BTAF1: variants seen among roughly 807,000 people sequenced by gnomAD.
BTAF1 encodes B-TFIID TATA-box binding protein associated factor 1.
BTAF1 carries 38 observed loss-of-function variants against 227.1 expected under a neutral mutation model. The ratio of observed to expected loss-of-function variants is 0.17; its 90% confidence interval spans 0.13 to 0.22. The LOEUF is 0.22. Among genes scored for constraint, BTAF1 ranks in the 10% least tolerant of loss-of-function variants. BTAF1 has a pLI of 1.00. For synonymous variants in BTAF1, 742 were observed against 751.9 expected (o/e 0.99, Z 0.21); for missense variants, 1,598 against 2,204.0 (o/e 0.73, Z 5.51).
intron 34 of BTAF1, among the ~76,000 whole-genome samples, chr10:92,021,059 C>T (rs1361830262): frequency 6.6e-6 from 1 of 152,148 alleles, no homozygotes; most frequent in Non-Finnish European, 1.5e-5. Context: ...TGGTTCTTTT[C>T]AGCCAGAGTG....
At chr10:91,924,178 G>C (rs1843669106) in intron 1 of BTAF1, 88 bp downstream of exon 1, 1 of 1,524,918 alleles carries the variant, frequency 6.6e-7, no homozygotes, top group Non-Finnish European at 8.8e-7. Flanking sequence ...GAGAAGAGCG[G>C]TTCTCATTGT....
At chr10:91,968,146 A>C (rs1379797087) in intron 14 of BTAF1, among the ~76,000 whole-genome samples, 3 of 152,164 alleles carry the variant, frequency 2.0e-5, no homozygotes, top group Non-Finnish European at 4.4e-5. Context: ...CCACCATTAC[A>C]GTATCATACA....
intron 2 of BTAF1, among the ~76,000 whole-genome samples, chr10:91,938,726 T>C (rs1844794813): frequency 6.6e-6 from 1 of 152,144 alleles, no homozygotes; most frequent in Admixed American, 6.5e-5. Context: ...TACATGCCCA[T>C]AGGCACAGCT....
intron 25 of BTAF1, among the ~76,000 whole-genome samples, chr10:92,006,571 C>T (rs1035809090): frequency 2.6e-5 from 4 of 152,194 alleles, no homozygotes; most frequent in Non-Finnish European, 4.4e-5. Flanking sequence ...AAATCTTCCA[C>T]AGGTGGACAC....
At position 91,984,192 on chromosome 10, in the gene BTAF1, G is replaced by A; in HGVS notation, c.2224-9G>A. 1.2e-6 allele frequency: 2 copies of A among 1,611,410 alleles called. No homozygotes were observed. The highest frequency in any genetic ancestry group is 1.7e-6 in the Non-Finnish European group (2 of 1,178,512). On this transcript the variant is annotated splice_polypyrimidine_tract_variant and intron_variant, in intron 18 of 37. Coordinates refer to ENST00000265990, the MANE Select transcript of BTAF1 (RefSeq NM_003972.3). ...ACAGTTACCCTATTTGTTTTCTGTT[G>A]TATTTTAGGAGTGTAAAGCTGTTAC...
At chr10:92,012,630 G>A (rs1266278655) in intron 30 of BTAF1, among the ~76,000 whole-genome samples, 1 of 151,364 alleles carries the variant, frequency 6.6e-6, no homozygotes, top group East Asian at 2.0e-4. Flanking sequence ...AATTAGCCAG[G>A]CATGGTGACG....
At chr10:91,924,240 G>A in intron 1 of BTAF1, 150 bp downstream of exon 1, 6 of 1,127,756 alleles carry the variant, frequency 5.3e-6, no homozygotes, top group Non-Finnish European at 7.3e-6. Flanking sequence ...CCCCGTGGTC[G>A]GCGGGGGTTT....
intron 20 of BTAF1, among the ~76,000 whole-genome samples, chr10:91,991,295 T>TATATATA (rs1266180286): frequency 5.2e-5 from 7 of 133,420 alleles, no homozygotes; most frequent in East Asian, 4.7e-4. Context: ...TATATATAAA[T>TATATATA]TATCCGGACG....
intron 19 of BTAF1, among the ~76,000 whole-genome samples, chr10:91,985,104 A>T (rs981626245): frequency 3.3e-5 from 5 of 152,100 alleles, no homozygotes; most frequent in African/African-American, 7.2e-5. Flanking sequence ...CACTGTCAAG[A>T]TACAGAACAT....
At chr10:91,998,832 C>G (rs570276776) in intron 25 of BTAF1, among the ~76,000 whole-genome samples, 11 of 152,194 alleles carry the variant, frequency 7.2e-5, no homozygotes, top group Admixed American at 4.6e-4. Flanking sequence ...GGGTGGATCA[C>G]TTGAGGTCAG....
At chr10:91,931,326 A>G (rs763330627) in intron 1 of BTAF1, among the ~76,000 whole-genome samples, 1 of 152,214 alleles carries the variant, frequency 6.6e-6, no homozygotes, top group Non-Finnish European at 1.5e-5. Flanking sequence ...CAATAAATTT[A>G]TAACCAGTGG....
chr10:91,989,014 G>A (rs982208837), intron 19 of BTAF1, 140 bp from the exon 20 acceptor site: 2 of 661,288 alleles, frequency 3.0e-6, no homozygotes, highest in Admixed American at 6.7e-5. Context: ...TTAGACATTA[G>A]TTTACTGAGT....
chr10:91,952,700 C>G (rs1308788953), intron 5 of BTAF1, among the ~76,000 whole-genome samples: 1 of 151,176 alleles, frequency 6.6e-6, no homozygotes, highest in Non-Finnish European at 1.5e-5. Context: ...CTTCTGCAGA[C>G]AAGGGGGTAG....
chr10:91,946,313 C>G (rs78119265), intron 4 of BTAF1, among the ~76,000 whole-genome samples: 1 of 152,058 alleles, frequency 6.6e-6, no homozygotes, highest in Non-Finnish European at 1.5e-5. Flanking sequence ...GACCCAAGAT[C>G]GCGCCATTGC....
At chr10:91,967,006 A>G (rs966278864) in intron 14 of BTAF1, among the ~76,000 whole-genome samples, 2 of 152,140 alleles carry the variant, frequency 1.3e-5, no homozygotes, top group Non-Finnish European at 2.9e-5. Flanking sequence ...ATGTTTGTTG[A>G]ATGAGTGATT....
intron 1 of BTAF1, among the ~76,000 whole-genome samples, chr10:91,931,524 A>G (rs976085601): frequency 1.3e-5 from 2 of 152,124 alleles, no homozygotes; most frequent in Non-Finnish European, 2.9e-5. Context: ...TATGGGAGTA[A>G]GTACTGTGTT....
intron 34 of BTAF1, among the ~76,000 whole-genome samples, chr10:92,023,120 G>C (rs1589998125): frequency 6.6e-6 from 1 of 152,122 alleles, no homozygotes; most frequent in African/African-American, 2.4e-5. Flanking sequence ...GCAGGTTTCA[G>C]CCTAAATCAT....
intron 23 of BTAF1, among the ~76,000 whole-genome samples, 176 bp from the exon 24 acceptor site, chr10:91,996,193 T>C (rs142803749): frequency 6.6e-6 from 1 of 152,296 alleles, no homozygotes; most frequent in African/African-American, 2.4e-5. Context: ...ATACATTAAT[T>C]TGTATTTGGA....
At chr10:91,958,413 C>T (rs1222258625) in intron 8 of BTAF1, among the ~76,000 whole-genome samples, 2 of 152,016 alleles carry the variant, frequency 1.3e-5, no homozygotes, top group Non-Finnish European at 2.9e-5. Context: ...TTATAAAGAA[C>T]ACCTTGGGCT....
Sources: allele counts gnomAD v4.1 joint callset (sites outside exome capture counted in the v4.1 genomes callset), GRCh38; gene constraint gnomAD v4.1.1; transcripts MANE v1.5; gene names NCBI Gene and HGNC (gene_info 2026-07-23, HGNC 2026-07-21).